GPC5: variants seen among roughly 807,000 people sequenced by gnomAD.
The protein encoded by GPC5 is glypican 5.
GPC5 carries 47 observed loss-of-function variants against 53.9 expected under a neutral mutation model. That is an observed-to-expected ratio of 0.87 (90% CI 0.69 to 1.11). GPC5 has a LOEUF of 1.11. GPC5 is among the 50% of genes most tolerant of loss of function. The pLI, the probability that GPC5 is intolerant of heterozygous loss-of-function variation, is 0.00. For synonymous variants in GPC5, 286 were observed against 263.3 expected (o/e 1.09, Z -0.84); for missense variants, 748 against 713.1 (o/e 1.05, Z -0.56).
chr13:91,922,168 A>C (rs9523451), intron 6 of GPC5, among the ~76,000 whole-genome samples: 1 of 151,870 alleles, frequency 6.6e-6, no homozygotes, highest in Non-Finnish European at 1.5e-5. Flanking sequence ...AATCAGGTTG[A>C]TTATGATTGT....
At chr13:91,528,108 G>A (rs1886170579) in intron 2 of GPC5, among the ~76,000 whole-genome samples, 2 of 152,196 alleles carry the variant, frequency 1.3e-5, no homozygotes. Flanking sequence ...ATATCCAGCA[G>A]ACTTGAATTT....
chr13:92,753,679 G>T (rs1048508365), intron 7 of GPC5, among the ~76,000 whole-genome samples: 1 of 152,070 alleles, frequency 6.6e-6, no homozygotes, highest in African/African-American at 2.4e-5. Context: ...ACTACGTGAA[G>T]AATGCAGAAA....
At chr13:91,884,560 A>C (rs2039302517) in intron 5 of GPC5, among the ~76,000 whole-genome samples, 1 of 152,224 alleles carries the variant, frequency 6.6e-6, no homozygotes, top group Non-Finnish European at 1.5e-5. Context: ...ATACATGAAC[A>C]CAGACGGGAA....
chr13:92,202,478 A>T (rs1379188040), intron 7 of GPC5, among the ~76,000 whole-genome samples: 1 of 152,358 alleles, frequency 6.6e-6, no homozygotes, highest in Non-Finnish European at 1.5e-5. Context: ...ATTCAAAAGC[A>T]TGTGAAGCAT....
At chr13:91,951,342 T>C (rs1027290702) in intron 6 of GPC5, among the ~76,000 whole-genome samples, 30 of 152,136 alleles carry the variant, frequency 2.0e-4, no homozygotes, top group African/African-American at 6.5e-4. Flanking sequence ...TGTATATATA[T>C]GCATGTGTGT....
chr13:91,580,958 G>A (rs551279910), intron 2 of GPC5, among the ~76,000 whole-genome samples: 1 of 152,206 alleles, frequency 6.6e-6, no homozygotes, highest in Non-Finnish European at 1.5e-5. Context: ...AATCATGGTG[G>A]AAGATGAAGA....
intron 7 of GPC5, among the ~76,000 whole-genome samples, chr13:92,476,706 A>G (rs992624248): frequency 6.7e-6 from 1 of 149,186 alleles, no homozygotes; most frequent in Non-Finnish European, 1.5e-5. Context: ...ATGGAATACT[A>G]TGCAGCCATA....
rs182260464 is a variant in GPC5 at position 91,827,538 on chromosome 13, T to C, written c.1280+71118T>C. Reference sequence around the variant, plus strand: ...CACTTAGATCATAAAGGAAGATATATGAAATGGCAATTAGCACATACAGAT... The same window carrying C: ...CACTTAGATCATAAAGGAAGATATACGAAATGGCAATTAGCACATACAGAT... On this transcript the variant is annotated intron_variant, in intron 5 of 7. Coordinates refer to ENST00000377067, the MANE Select transcript of GPC5 (RefSeq NM_004466.6). 2.0e-5 allele frequency among the ~76,000 whole-genome samples: 3 copies of C among 152,092 alleles called. No homozygotes were observed. The East Asian group carries it at 5.8e-4, about 29-fold the overall frequency.
chr13:91,734,629 T>C (rs2036775098), intron 4 of GPC5, among the ~76,000 whole-genome samples: 1 of 151,516 alleles, frequency 6.6e-6, no homozygotes, highest in South Asian at 2.1e-4. Context: ...GTTTTACTTA[T>C]GCAAGGTTCT....
intron 7 of GPC5, among the ~76,000 whole-genome samples, chr13:92,525,806 A>G (rs1172009593): frequency 1.3e-5 from 2 of 152,012 alleles, no homozygotes; most frequent in African/African-American, 4.8e-5. Context: ...CCTGCCAGAA[A>G]TTTGCTCTGA....
intron 7 of GPC5, among the ~76,000 whole-genome samples, chr13:92,860,722 T>A (rs1879153655): frequency 6.6e-6 from 1 of 152,126 alleles, no homozygotes; most frequent in Non-Finnish European, 1.5e-5. Flanking sequence ...ATTTGTCAAG[T>A]CAGTTTCCTC....
chr13:92,457,538 C>T lies in GPC5; in HGVS notation c.1561+312549C>T, dbSNP rs562428096. Reference sequence around the variant, plus strand: ...TATCAGACTGCTCTTTACAAAACATCGAGATGGTCATGCTACCCCAGGCTC... The same window carrying T: ...TATCAGACTGCTCTTTACAAAACATTGAGATGGTCATGCTACCCCAGGCTC... On this transcript the variant is annotated intron_variant, in intron 7 of 7. Transcript: ENST00000377067. Among the ~76,000 whole-genome samples, 11 of 152,186 alleles carry T rather than the reference C, an allele frequency of 7.2e-5. No homozygotes were observed. The South Asian group carries it at 2.3e-3, about 32-fold the overall frequency.
intron 6 of GPC5, among the ~76,000 whole-genome samples, chr13:91,948,018 A>G (rs1276867146): frequency 1.4e-4 from 22 of 151,964 alleles, no homozygotes; most frequent in Non-Finnish European, 2.9e-5. Flanking sequence ...GTGGTTACCA[A>G]TGTCACGTGA....
chr13:92,210,587 T>C (rs889266834), intron 7 of GPC5, among the ~76,000 whole-genome samples: 1 of 152,134 alleles, frequency 6.6e-6, no homozygotes, highest in Non-Finnish European at 1.5e-5. Context: ...TTTATAACAG[T>C]GGTCCATAAT....
intron 6 of GPC5, among the ~76,000 whole-genome samples, chr13:91,951,777 T>C (rs1236051419): frequency 6.6e-6 from 1 of 152,112 alleles, no homozygotes; most frequent in Admixed American, 6.5e-5. Flanking sequence ...TTAGTTGTAA[T>C]GGTAGAAAAG....
At chr13:91,923,584 G>GT (rs1267504146) in intron 6 of GPC5, among the ~76,000 whole-genome samples, 2 of 151,794 alleles carry the variant, frequency 1.3e-5, no homozygotes, top group African/African-American at 2.4e-5. Flanking sequence ...CCTTATGAAT[G>GT]TAAGTTTTGC....
intron 2 of GPC5, among the ~76,000 whole-genome samples, chr13:91,458,303 G>A (rs1426255870): frequency 6.6e-6 from 1 of 152,054 alleles, no homozygotes; most frequent in African/African-American, 2.4e-5. Context: ...GGGCCTGTTA[G>A]GCATTTATTC....
At chr13:92,672,534 A>G (rs1289447985) in intron 7 of GPC5, among the ~76,000 whole-genome samples, 2 of 152,188 alleles carry the variant, frequency 1.3e-5, no homozygotes, top group Admixed American at 1.3e-4. Context: ...CATACTGGGT[A>G]TATACTCAAA....
At chr13:91,692,856 C>T (rs1256392702) in intron 2 of GPC5, among the ~76,000 whole-genome samples, 1 of 152,204 alleles carries the variant, frequency 6.6e-6, no homozygotes, top group Admixed American at 6.5e-5. Context: ...GTTGGTCTGG[C>T]TGGTCTCGAA....
Sources: gnomAD v4.1 joint callset for allele counts (sites outside exome capture counted in the v4.1 genomes callset) on GRCh38, gnomAD v4.1.1 for gene constraint, MANE v1.5 for transcripts, NCBI Gene and HGNC (gene_info 2026-07-23, HGNC 2026-07-21) for gene names.